ABLIM1: variants seen among roughly 807,000 people sequenced by gnomAD.
ABLIM1 encodes the protein actin-binding LIM protein 1.
Under a neutral mutation model 107.0 loss-of-function variants are expected in ABLIM1, and 40 were observed. The observed-to-expected ratio is 0.37, with a 90% CI of 0.29 to 0.49. The LOEUF is 0.49. ABLIM1 is among the 20% of genes least tolerant of loss of function. The pLI, the probability that ABLIM1 is intolerant of heterozygous loss-of-function variation, is 0.97. For synonymous variants in ABLIM1, 357 were observed against 357.3 expected, an observed-to-expected ratio of 1.00 and a Z score of 0.01; for missense variants, 857 against 1,008.5, an observed-to-expected ratio of 0.85 and a Z score of 2.04.
At chr10:114,460,896 T>C (rs564993728) in intron 12 of ABLIM1, among the ~76,000 whole-genome samples, 1 of 152,234 alleles carries the variant, frequency 6.6e-6, no homozygotes, top group Non-Finnish European at 1.5e-5. Flanking sequence ...TGCTGTGTTA[T>C]TTGGACAAAC....
intron 2 of ABLIM1, among the ~76,000 whole-genome samples, chr10:114,594,694 G>A (rs745896151): frequency 8.5e-5 from 13 of 152,194 alleles, no homozygotes; most frequent in Non-Finnish European, 5.9e-5. Context: ...AGGTTGCAGT[G>A]AGCCAAGACT....
At chr10:114,689,582 G>A (rs1434253450), upstream of ABLIM1, among the ~76,000 whole-genome samples, 1 of 151,960 alleles carries the variant, frequency 6.6e-6, no homozygotes, top group South Asian at 2.1e-4. Flanking sequence ...GGCTGGTCTT[G>A]AACTCCTGGT....
intron 1 of ABLIM1, among the ~76,000 whole-genome samples, chr10:114,704,302 C>CTCTCTCTCTCTCTCTCTCTATATATA (rs1380460034): frequency 2.3e-5 from 1 of 43,090 alleles, no homozygotes; most frequent in Non-Finnish European, 4.7e-5. Context: ...CTCTCTCTCT[C>CTCTCTCTCTCTCTCTCTCTATATATA]TATATATATA....
In ABLIM1 at chr10:114,466,706, G is replaced by A. The variant is rs74531474; in HGVS notation, c.1312-879C>T. On this transcript the variant is annotated intron_variant, in intron 11 of 22. Transcript: ENST00000533213. ...ACAAGTTGATGGTTGCCATAAAGCC[G>A]GTATTTTACTTCTCACTTTGGGAAA... Among the ~76,000 whole-genome samples, 11 of 152,022 alleles carry A rather than the reference G, an allele frequency of 7.2e-5. No homozygotes were observed. In the East Asian group the frequency reaches 1.2e-3, roughly 16 times the overall value.
At chr10:114,611,167 A>G (rs2076783264) in intron 1 of ABLIM1, among the ~76,000 whole-genome samples, 1 of 151,516 alleles carries the variant, frequency 6.6e-6, no homozygotes, top group South Asian at 2.1e-4. Context: ...AAAAAAAAAA[A>G]TAGATACCCT....
At chr10:114,486,761 A>G (rs747745171) in intron 8 of ABLIM1, among the ~76,000 whole-genome samples, 2 of 152,210 alleles carry the variant, frequency 1.3e-5, no homozygotes, top group African/African-American at 2.4e-5. Context: ...GTGCATTCTA[A>G]AAGCACTGCA....
At chr10:114,550,525 T>C (rs1179383701) in intron 4 of ABLIM1, among the ~76,000 whole-genome samples, 2 of 151,918 alleles carry the variant, frequency 1.3e-5, no homozygotes, top group African/African-American at 4.8e-5. Flanking sequence ...AGTGGAACCA[T>C]TGTTATAATT....
chr10:114,649,920 A>G (rs969900873), intron 1 of ABLIM1, among the ~76,000 whole-genome samples: 3 of 150,760 alleles, frequency 2.0e-5, no homozygotes, highest in Non-Finnish European at 4.4e-5. Flanking sequence ...CAGTAGTGCT[A>G]TCTCGGCTCA....
intron 1 of ABLIM1, among the ~76,000 whole-genome samples, chr10:114,665,380 A>G (rs11196850): frequency 0.31 from 47,343 of 152,074 alleles, 8,526 homozygotes; most frequent in South Asian, 0.44. Flanking sequence ...GGCCTTGAAG[A>G]CAAACTAAGG....
At chr10:114,610,478 C>T (rs187175557) in intron 1 of ABLIM1, among the ~76,000 whole-genome samples, 1 of 152,212 alleles carries the variant, frequency 6.6e-6, no homozygotes, top group African/African-American at 2.4e-5. Flanking sequence ...CCCATTGGTT[C>T]CTACTGAATT....
chr10:114,545,694 G>A (rs189146684), intron 5 of ABLIM1, among the ~76,000 whole-genome samples: 115 of 152,202 alleles, frequency 7.6e-4, no homozygotes, highest in Admixed American at 1.3e-3. Flanking sequence ...GGAGGCTGAG[G>A]TGGGTGGATC....
chr10:114,597,947 T>C (rs1017122512), intron 2 of ABLIM1, among the ~76,000 whole-genome samples: 28 of 152,184 alleles, frequency 1.8e-4, no homozygotes, highest in Non-Finnish European at 1.5e-5. Flanking sequence ...CAGTAGCCAC[T>C]AACCACATGT....
rs551267137 is a variant in ABLIM1 at position 114,738,479 on chromosome 10, A to C, written c.-213+29582T>G. On this transcript the variant is annotated intron_variant, in intron 1 of 15. Coordinates refer to the ABLIM1 transcript ENST00000651092. ...TAGGACATTCATGGGAAAATGTACA[A>C]ATGTGCACAAGATCTAAAGCAGCAC... Among the ~76,000 whole-genome samples, 16 of 152,354 alleles carry C rather than the reference A, an allele frequency of 1.1e-4. No individual in the cohort carries two copies. In the South Asian group the frequency reaches 2.5e-3, roughly 24 times the overall value.
intron 1 of ABLIM1, chr10:114,684,242 C>A: frequency 1.9e-6 from 3 of 1,564,602 alleles, no homozygotes; most frequent in Non-Finnish European, 2.6e-6. Context: ...AAGACACGGT[C>A]GACCCCAGAC....
At chr10:114,767,397 C>T (rs964843677) in intron 1 of ABLIM1, among the ~76,000 whole-genome samples, 3 of 152,190 alleles carry the variant, frequency 2.0e-5, no homozygotes, top group Admixed American at 2.0e-4. Flanking sequence ...TTCACTCATA[C>T]TAGCAGCCAC....
chr10:114,661,694 G>A (rs558069925), upstream of ABLIM1, among the ~76,000 whole-genome samples: 1 of 152,330 alleles, frequency 6.6e-6, no homozygotes, highest in Non-Finnish European at 1.5e-5. Flanking sequence ...AATTACAAAT[G>A]TTGAACTTCT....
chr10:114,478,168 A>G (rs1013092619), intron 8 of ABLIM1, among the ~76,000 whole-genome samples: 1 of 152,162 alleles, frequency 6.6e-6, no homozygotes, highest in Non-Finnish European at 1.5e-5. Context: ...TTCAAGACCC[A>G]TTTGGTTTTT....
chr10:114,515,651 G>C (rs2475235), intron 6 of ABLIM1, among the ~76,000 whole-genome samples: 144,215 of 152,316 alleles, frequency 0.95, 68,334 homozygotes, highest in East Asian at 1. Context: ...AATACCTCAG[G>C]GTGTGACCTT....
At chr10:114,521,585 A>G (rs1302916958) in intron 6 of ABLIM1, among the ~76,000 whole-genome samples, 1 of 152,158 alleles carries the variant, frequency 6.6e-6, no homozygotes, top group Non-Finnish European at 1.5e-5. Flanking sequence ...GGGGAGTCAA[A>G]GAGGAATCAC....
Sources: allele counts gnomAD v4.1 joint callset (sites outside exome capture counted in the v4.1 genomes callset), GRCh38; gene constraint gnomAD v4.1.1; transcripts MANE v1.5; gene names NCBI Gene and HGNC (gene_info 2026-07-23, HGNC 2026-07-21).